TANK: variants seen among roughly 807,000 people sequenced by gnomAD.
TANK encodes TRAF family member associated NFKB activator.
In TANK, 15 loss-of-function variants were observed where a neutral mutation model predicts 43.6. That is an observed-to-expected ratio of 0.34 (90% CI 0.23 to 0.53). The LOEUF (loss-of-function observed/expected upper bound fraction) is 0.53. Among genes scored for constraint, TANK ranks in the 20% least tolerant of loss-of-function variants. The pLI, the probability that TANK is intolerant of heterozygous loss-of-function variation, is 0.94. For missense variants in TANK, 417 were observed against 498.6 expected (o/e 0.84, Z 1.56); for synonymous variants, 162 against 178.2 (o/e 0.91, Z 0.73).
intron 4 of TANK, among the ~76,000 whole-genome samples, chr2:161,217,053 G>A (rs369158390): frequency 1.2e-4 from 19 of 152,098 alleles, no homozygotes; most frequent in Non-Finnish European, 8.8e-5. Context: ...GCATTCATTG[G>A]GTCATATAGT....
At chr2:161,227,878 A>T (rs1276295114) in intron 6 of TANK, among the ~76,000 whole-genome samples, 1 of 152,230 alleles carries the variant, frequency 6.6e-6, no homozygotes, top group East Asian at 1.9e-4. Flanking sequence ...TCGAGAGTTA[A>T]TGGACTTTAA....
At chr2:161,170,835 T>C (rs890122165) in intron 1 of TANK, among the ~76,000 whole-genome samples, 1 of 152,180 alleles carries the variant, frequency 6.6e-6, no homozygotes, top group African/African-American at 2.4e-5. Context: ...CTGTCTAGAC[T>C]GGACATGTAT....
At chr2:161,168,659 C>A (rs1027293684) in intron 1 of TANK, among the ~76,000 whole-genome samples, 2 of 152,128 alleles carry the variant, frequency 1.3e-5, no homozygotes, top group Middle Eastern at 3.2e-3. Context: ...ATGGTGAAAC[C>A]CCGTCTCTAC....
intron 2 of TANK, among the ~76,000 whole-genome samples, chr2:161,200,164 T>C (rs773566860): frequency 2.0e-5 from 3 of 152,216 alleles, no homozygotes; most frequent in Non-Finnish European, 4.4e-5. Context: ...CTTTTCTGTC[T>C]GTTTTAGCTG....
intron 2 of TANK, among the ~76,000 whole-genome samples, chr2:161,185,718 G>T (rs543727993): frequency 1.6e-3 from 186 of 116,716 alleles, no homozygotes; most frequent in Non-Finnish European, 2.3e-3. Flanking sequence ...GTGGTGGGGT[G>T]GGGGGAGGGG....
rs1195050499 is a variant in TANK at position 161,145,207 on chromosome 2, C to A, written c.-50+8144C>A. On this transcript the variant is annotated intron_variant, in intron 1 of 7. Transcript: ENST00000259075. ...TGTTCCTCCATCCCTTTATTTTGAG[C>A]CTATGTGTGTCTTTGCATGTGAGAT... 6.6e-5 allele frequency among the ~76,000 whole-genome samples: 8 copies of A among 120,468 alleles called. No individual in the cohort carries two copies. The Admixed American group carries it at 8.7e-4, about 13-fold the overall frequency. The allele number at this position is 120,468 out of a possible 152,430, so 79.0% of individuals were successfully genotyped here.
intron 1 of TANK, chr2:161,161,027 A>T: frequency 3.8e-6 from 2 of 525,160 alleles, no homozygotes; most frequent in African/African-American, 1.9e-5. Context: ...AACTTCCCAG[A>T]GGGTCACGGA....
At chr2:161,138,687 C>G (rs1282771031) in intron 1 of TANK, among the ~76,000 whole-genome samples, 2 of 152,214 alleles carry the variant, frequency 1.3e-5, no homozygotes, top group African/African-American at 4.8e-5. Flanking sequence ...CAGCAGCCAA[C>G]TGGGGACCTA....
chr2:161,203,347 G>A, intron 2 of TANK, 140 bp from the exon 3 acceptor site: 1 of 575,930 alleles, frequency 1.7e-6, no homozygotes, highest in Non-Finnish European at 3.1e-6. Context: ...CATTCCTGGA[G>A]CCAGTTTGTA....
rs143860436 is a variant in TANK at position 161,177,423 on chromosome 2, G to A, written c.-49-2191G>A. 3.2e-3 allele frequency among the ~76,000 whole-genome samples: 490 copies of A among 152,214 alleles called. 2 individuals are homozygous for A. Among genetic ancestry groups the A allele is most frequent in the Admixed American group, 4.9e-3 (75 of 15,270 alleles). ...CAGTTGATTTTTGGCAAGGGTGCCAGGGCTATTCATGGGAAAAGAATAGCC... is the reference window on the plus strand; with the variant it reads ...CAGTTGATTTTTGGCAAGGGTGCCAAGGCTATTCATGGGAAAAGAATAGCC... On this transcript the variant is annotated intron_variant, in intron 1 of 7. Coordinates refer to ENST00000392749, the MANE Select transcript of TANK (RefSeq NM_001199135.3).
chr2:161,183,039 CA>C (rs113228291), intron 2 of TANK, among the ~76,000 whole-genome samples: 8 of 152,246 alleles, frequency 5.3e-5, no homozygotes, highest in African/African-American at 1.9e-4. Flanking sequence ...GAACCATGGA[CA>C]AAAACCTAAT....
chr2:161,234,027 C>G (rs1350287734), intron 7 of TANK, among the ~76,000 whole-genome samples: 1 of 151,952 alleles, frequency 6.6e-6, no homozygotes, highest in Non-Finnish European at 1.5e-5. Context: ...ATTGACATTT[C>G]TTATGAAAGG....
chr2:161,235,210 A>G, intron 7 of TANK, 132 bp from the exon 8 acceptor site: 1 of 732,008 alleles, frequency 1.4e-6, no homozygotes, highest in Non-Finnish European at 2.1e-6. Flanking sequence ...CTTTACGGAA[A>G]AGTAATTTGC....
intron 2 of TANK, among the ~76,000 whole-genome samples, chr2:161,192,718 A>G (rs1391530381): frequency 2.6e-5 from 4 of 152,346 alleles, no homozygotes; most frequent in Non-Finnish European, 2.9e-5. Context: ...CTTCATAAAT[A>G]AGAAAGGAAA....
chr2:161,164,922 A>G (rs980181090), intron 1 of TANK, among the ~76,000 whole-genome samples: 3 of 152,140 alleles, frequency 2.0e-5, no homozygotes, highest in African/African-American at 7.2e-5. Context: ...TTTCCTGGAC[A>G]GTAACTTTTT....
intron 4 of TANK, among the ~76,000 whole-genome samples, chr2:161,205,419 A>G (rs1033272208): frequency 3.3e-5 from 5 of 152,116 alleles, no homozygotes; most frequent in African/African-American, 1.2e-4. Context: ...CAATGAAATA[A>G]AAGATTAAAA....
At chr2:161,167,189 A>G (rs144804446) in intron 1 of TANK, among the ~76,000 whole-genome samples, 1 of 152,362 alleles carries the variant, frequency 6.6e-6, no homozygotes, top group African/African-American at 2.4e-5. Flanking sequence ...AAGAATGACT[A>G]ATCATCCTGG....
intron 4 of TANK, among the ~76,000 whole-genome samples, chr2:161,220,967 A>G (rs976999999): frequency 2.0e-5 from 3 of 152,198 alleles, no homozygotes; most frequent in Admixed American, 6.5e-5. Context: ...CCTTGAACAT[A>G]TATTTTTGAT....
At chr2:161,174,294 T>A (rs1478374121) in intron 1 of TANK, among the ~76,000 whole-genome samples, 1 of 152,168 alleles carries the variant, frequency 6.6e-6, no homozygotes, top group East Asian at 1.9e-4. Context: ...ATATAAATGT[T>A]ATTGAATAAA....
Sources: gnomAD v4.1 joint callset for allele counts (sites outside exome capture counted in the v4.1 genomes callset) on GRCh38, gnomAD v4.1.1 for gene constraint, MANE v1.5 for transcripts, NCBI Gene and HGNC (gene_info 2026-07-23, HGNC 2026-07-21) for gene names.